The following PPP2R1B variants were observed in gnomAD, a reference collection of about 807,000 sequenced individuals.
The protein encoded by PPP2R1B is protein phosphatase 2 scaffold subunit Abeta, also known as serine/threonine-protein phosphatase 2A 65 kDa regulatory subunit A beta isoform.
PPP2R1B carries 58 observed loss-of-function variants against 72.7 expected under a neutral mutation model. The ratio of observed to expected loss-of-function variants is 0.80; its 90% CI spans 0.65 to 0.99. The LOEUF is 0.99. Among genes scored for constraint, PPP2R1B ranks in the 50% least tolerant of loss-of-function variants. The pLI, the probability that PPP2R1B is intolerant of heterozygous loss-of-function variation, is 0.00. For synonymous variants in PPP2R1B, 256 were observed against 264.6 expected (o/e 0.97, Z 0.32); for missense variants, 695 against 733.6 (o/e 0.95, Z 0.61).
intron 5 of PPP2R1B, among the ~76,000 whole-genome samples, chr11:111,756,505 AAGAGT>A (rs2136092920): frequency 6.6e-6 from 1 of 152,342 alleles, no homozygotes; most frequent in African/African-American, 2.4e-5. Flanking sequence ...AGGTAAGAGT[AAGAGT>A]AAAGGAAATC....
chr11:111,742,230 A>C (rs1430475159), intron 13 of PPP2R1B, 86 bp from the exon 14 acceptor site: 7 of 1,059,246 alleles, frequency 6.6e-6, no homozygotes. Flanking sequence ...GGTAATTGTT[A>C]AAATTTAAAG....
chr11:111,721,685 T>C, the PPP2R1B span: 2 of 572,638 alleles, frequency 3.5e-6, no homozygotes, highest in African/African-American at 1.9e-5. Flanking sequence ...GCCCTCAGCC[T>C]ACTGGCTCTG....
downstream of PPP2R1B, among the ~76,000 whole-genome samples, chr11:111,734,186 A>T (rs1944276251): frequency 6.6e-6 from 1 of 152,106 alleles, no homozygotes; most frequent in South Asian, 2.1e-4. Context: ...TGCCTATCTT[A>T]CTTTAACTCT....
intron 3 of PPP2R1B, among the ~76,000 whole-genome samples, chr11:111,763,667 C>T (rs1285239734): frequency 6.6e-6 from 1 of 152,162 alleles, no homozygotes; most frequent in African/African-American, 2.4e-5. Context: ...AGAATACATT[C>T]TAGGTTTTGG....
At position 111,728,666 on chromosome 11, in the gene PPP2R1B, C is replaced by T. The variant is rs182621214; in HGVS notation, c.1912-1609G>A. 887 of 152,280 alleles carry T rather than the reference C, an allele frequency of 5.8e-3. 3 individuals are homozygous for T. The highest frequency in any genetic ancestry group is 0.01 in the Middle Eastern group (3 of 296). The allele number at this position is 152,280 out of a possible 1,614,324, so 9.4% of individuals were successfully genotyped here. A position where few individuals can be genotyped will look rare whatever the true frequency, so the allele number is the denominator to read the frequency against. On this transcript the variant is annotated intron_variant, in intron 15 of 15. Coordinates refer to the PPP2R1B transcript ENST00000311129. ...AGTATCAGCCGGGCGCGGTGGCTCA[C>T]GCCTGTAATCCCAACACTTTGGGAG...
At position 111,761,008 on chromosome 11, in the gene PPP2R1B, C is replaced by T. The variant is rs781972645; in HGVS notation, c.350G>A (p.Arg117His). The T allele has an allele frequency of 1.5e-5, 25 of 1,614,148 alleles. No individual in the cohort carries two copies. The highest frequency in any genetic ancestry group is 2.0e-5 in the Non-Finnish European group (24 of 1,180,032). Residue 117 changes from arginine to histidine, a missense_variant, in exon 4 of 15, where the codon CGT (arginine) becomes CAT (histidine). Transcript: ENST00000527614. ...NLATVEETVV[R>H]DKAVESLRQI... ...TCTCAGGGACTCCACAGCCTTGTCA[C>T]GAACAACAGTCTCTTCCACAGTTGC...
At chr11:111,724,393 G>A (rs879680079), downstream of PPP2R1B, 51 of 503,316 alleles carry the variant, frequency 1.0e-4, no homozygotes, top group African/African-American at 7.5e-4. Flanking sequence ...GCAAGCTCTC[G>A]AGGGCAGCAC....
intron 15 of PPP2R1B, chr11:111,727,399 T>G: frequency 3.3e-6 from 1 of 306,122 alleles, no homozygotes; most frequent in East Asian, 5.9e-5. Context: ...GTTTAAACCG[T>G]ATGCTGGAGT....
At chr11:111,754,620 A>T in intron 7 of PPP2R1B, 51 bp from the exon 8 acceptor site, 1 of 1,571,410 alleles carries the variant, frequency 6.4e-7, no homozygotes, top group Non-Finnish European at 8.6e-7. Flanking sequence ...ATTTACAAAG[A>T]GCCAAATGAG....
At chr11:111,712,522 C>T in the PPP2R1B span, 1 of 808,962 alleles carries the variant, frequency 1.2e-6, no homozygotes. Context: ...AACCTTAGAA[C>T]AGTGTCCAGG....
intron 7 of PPP2R1B, 39 bp from the exon 8 acceptor site, chr11:111,754,608 CCATTTA>C: frequency 3.8e-6 from 6 of 1,580,536 alleles, no homozygotes; most frequent in Non-Finnish European, 5.1e-6. Context: ...TTTCACAGGG[CCATTTA>C]CAAAGAGCCA....
At chr11:111,733,190 G>A (rs1944245169), downstream of PPP2R1B, among the ~76,000 whole-genome samples, 1 of 152,180 alleles carries the variant, frequency 6.6e-6, no homozygotes, top group Admixed American at 6.5e-5. Context: ...CCTTCCTGCT[G>A]CTGCCTCCCT....
intron 5 of PPP2R1B, among the ~76,000 whole-genome samples, chr11:111,757,009 G>A (rs1181552684): frequency 2.0e-5 from 3 of 151,906 alleles, no homozygotes; most frequent in Non-Finnish European, 4.4e-5. Context: ...AGCTACTCAG[G>A]TGGCTGAGGC....
At chr11:111,717,172 C>T in the PPP2R1B span, among the ~76,000 whole-genome samples, 1 of 151,684 alleles carries the variant, frequency 6.6e-6, no homozygotes, top group African/African-American at 2.4e-5. Context: ...AAAAATTAGC[C>T]GGGCGTGGTG....
downstream of PPP2R1B, among the ~76,000 whole-genome samples, chr11:111,735,945 G>A (rs1338270112): frequency 6.6e-5 from 10 of 152,138 alleles, no homozygotes; most frequent in East Asian, 1.9e-3. Flanking sequence ...CTCACCCTCG[G>A]GTCATTTTCC....
chr11:111,723,814 G>GCCA, downstream of PPP2R1B: 1 of 1,612,668 alleles, frequency 6.2e-7, no homozygotes, highest in Non-Finnish European at 8.5e-7. Context: ...AGCAGCAGCA[G>GCCA]CCGCCACCGC....
At chr11:111,741,641 G>A in intron 14 of PPP2R1B, 29 bp from the exon 15 acceptor site, 2 of 1,611,200 alleles carry the variant, frequency 1.2e-6, no homozygotes, top group Non-Finnish European at 1.7e-6. Context: ...AATCAGGTTA[G>A]TGGTACAGAA....
At chr11:111,706,172 C>CTGTGAAATAGTTAATATT in the PPP2R1B span, among the ~76,000 whole-genome samples, 1 of 152,200 alleles carries the variant, frequency 6.6e-6, no homozygotes, top group East Asian at 1.9e-4. Flanking sequence ...TAGTTAATAT[C>CTGTGAAATAGTTAATATT]TGTGAAATAG....
intron 5 of PPP2R1B, among the ~76,000 whole-genome samples, chr11:111,758,314 G>A (rs1428778313): frequency 2.6e-5 from 4 of 152,090 alleles, no homozygotes; most frequent in South Asian, 4.2e-4. Flanking sequence ...AAAGAAGGCC[G>A]GGCACGGTGG....
Sources: allele counts gnomAD v4.1 joint callset (sites outside exome capture counted in the v4.1 genomes callset), GRCh38; gene constraint gnomAD v4.1.1; transcripts MANE v1.5; gene names NCBI Gene and HGNC (gene_info 2026-07-23, HGNC 2026-07-21).